The following RASA1 variants were observed in gnomAD, a reference collection of about 807,000 sequenced individuals.
RASA1 encodes the protein RAS p21 protein activator 1, also known as ras GTPase-activating protein 1.
Under a neutral mutation model 132.2 loss-of-function variants are expected in RASA1, and 25 were observed. That is an observed-to-expected ratio of 0.19 (90% CI 0.14 to 0.26). The LOEUF is 0.26. Ranked by LOEUF, RASA1 falls within the 10% of genes least tolerant of loss-of-function variation. The probability of loss-of-function intolerance (pLI) is 1.00; values close to 1 mark genes in which losing one functional copy is unlikely to be tolerated. For missense variants in RASA1, 964 were observed against 1,299.2 expected (o/e 0.74, Z 3.97); for synonymous variants, 477 against 449.9 (o/e 1.06, Z -0.76).
chr5:87,278,416 G>A (rs1013081378), intron 1 of RASA1, among the ~76,000 whole-genome samples: 6 of 151,548 alleles, frequency 4.0e-5, no homozygotes, highest in Middle Eastern at 3.2e-3. Flanking sequence ...TTAGCTGGGC[G>A]TGGTGGTGGG....
chr5:87,336,009 A>G (rs900532518), intron 4 of RASA1, among the ~76,000 whole-genome samples: 8 of 152,230 alleles, frequency 5.3e-5, no homozygotes, highest in African/African-American at 1.9e-4. Context: ...AGAAAAGGCT[A>G]TTAAAATACT....
At chr5:87,377,397 C>T (rs978245922) in intron 17 of RASA1, among the ~76,000 whole-genome samples, 10 of 152,178 alleles carry the variant, frequency 6.6e-5, no homozygotes, top group Non-Finnish European at 1.5e-4. Flanking sequence ...GTGGCGCAGT[C>T]TCGGCTCACT....
intron 1 of RASA1, chr5:87,269,399 G>C (rs1380531496): frequency 3.0e-6 from 4 of 1,315,468 alleles, no homozygotes; most frequent in Non-Finnish European, 4.2e-6. Context: ...TTTGAATACA[G>C]GTGTTTAAAC....
At position 87,268,544 on chromosome 5, in the gene RASA1, C is replaced by T. The variant is rs1185847883; in HGVS notation, c.93C>T (p.Pro31=). The change falls in exon 1 of 25, where the codon CCC becomes CCT. Residue 31 remains proline (P), a synonymous_variant. Transcript: ENST00000274376. ...CGGCAGCGGGCTCCAGTGCCTATCCCGCAGTGTGTCGGGTGAAGATACCCG... is the reference window on the plus strand; with the variant it reads ...CGGCAGCGGGCTCCAGTGCCTATCCTGCAGTGTGTCGGGTGAAGATACCCG... The part of the protein sequence containing the change: ...GGAAAGSSAY[P]AVCRVKIPAA... 5.6e-6 allele frequency: 9 copies of T among 1,600,510 alleles called. No individual in the cohort carries two copies. Among genetic ancestry groups the T allele is most frequent in the South Asian group, 1.1e-5 (1 of 88,742 alleles).
At chr5:87,387,971 A>T (rs950350825) in intron 23 of RASA1, among the ~76,000 whole-genome samples, 1 of 152,146 alleles carries the variant, frequency 6.6e-6, no homozygotes, top group African/African-American at 2.4e-5. Context: ...TAATACTACC[A>T]TATTTCTTCA....
intron 1 of RASA1, among the ~76,000 whole-genome samples, chr5:87,270,666 T>A (rs1753790804): frequency 7.4e-6 from 1 of 134,876 alleles, no homozygotes; most frequent in Non-Finnish European, 1.6e-5. Flanking sequence ...TTTTTTTTTT[T>A]TTTTTTTTTT....
rs534179114 is a variant in RASA1, at chr5:87,364,162, AAG to A, written c.1610+662_1610+663del. On this transcript the variant is annotated intron_variant, in intron 11 of 24. Coordinates refer to ENST00000274376, the MANE Select transcript of RASA1 (RefSeq NM_002890.3). The stretch of plus-strand genomic sequence containing the variant: ...TTTATTACCTATTGTTATGATTAGT[AAG>A]AGAAAAGACAGTTAAATGTTTCAAC... 3.9e-3 allele frequency among the ~76,000 whole-genome samples: 590 copies of A among 152,226 alleles called. 1 individual carries two copies. Among genetic ancestry groups the A allele is most frequent in the South Asian group, 7.1e-3 (34 of 4,822 alleles).
intron 8 of RASA1, among the ~76,000 whole-genome samples, chr5:87,350,186 T>C (rs1371147780): frequency 2.0e-5 from 3 of 151,848 alleles, no homozygotes; most frequent in African/African-American, 7.2e-5. Context: ...AAACAAGTTC[T>C]TCTAGTTGCT....
intron 6 of RASA1, 66 bp downstream of exon 6, chr5:87,341,387 CTT>C (rs1758440242): frequency 8.7e-7 from 1 of 1,152,068 alleles, no homozygotes; most frequent in African/African-American, 1.6e-5. Flanking sequence ...AATTGGAAAA[CTT>C]TGGCCAAAAA....
In RASA1 at chr5:87,389,329, C is replaced by T. The variant is rs1472369717; in HGVS notation, c.2926-64C>T. On this transcript the variant is annotated intron_variant, in intron 23 of 24. Transcript: ENST00000274376. ...CTGGGCAACAAGAGCGAAACTCTGT[C>T]TCAAAAAAAACAAAAAAAAAGAAGA... 8.2e-6 allele frequency: 13 copies of T among 1,595,004 alleles called. No individual in the cohort carries two copies. In the Admixed American group the frequency reaches 8.4e-5, roughly 10 times the overall value.
chr5:87,337,916 T>A (rs1472574431), intron 4 of RASA1, 58 bp from the exon 5 acceptor site: 1 of 1,502,540 alleles, frequency 6.7e-7, no homozygotes, highest in Non-Finnish European at 9.0e-7. Flanking sequence ...TATATGACTA[T>A]TCTAATCTCT....
At chr5:87,363,618 A>G (rs562660748) in intron 11 of RASA1, 114 bp downstream of exon 11, 3 of 1,202,220 alleles carry the variant, frequency 2.5e-6, no homozygotes, top group African/African-American at 1.5e-5. Flanking sequence ...TAGCAGATGC[A>G]CTTTCTAGGT....
intron 6 of RASA1, among the ~76,000 whole-genome samples, chr5:87,344,078 G>A (rs1758670016): frequency 1.3e-5 from 2 of 152,092 alleles, no homozygotes; most frequent in South Asian, 4.1e-4. Flanking sequence ...AGGGTAGCAG[G>A]GAAGGGGGGA....
chr5:87,280,022 C>T (rs556173527), intron 1 of RASA1, among the ~76,000 whole-genome samples: 18 of 152,336 alleles, frequency 1.2e-4, no homozygotes, highest in African/African-American at 4.3e-4. Flanking sequence ...GAGTTTGATG[C>T]CTGAGGGCAA....
chr5:87,295,458 T>A (rs921355959), intron 1 of RASA1, among the ~76,000 whole-genome samples: 2 of 151,340 alleles, frequency 1.3e-5, no homozygotes, highest in Admixed American at 1.3e-4. Context: ...TTTATATGAT[T>A]TCATTTTTCT....
At chr5:87,375,120 G>A (rs1204256968) in intron 15 of RASA1, among the ~76,000 whole-genome samples, 1 of 152,168 alleles carries the variant, frequency 6.6e-6, no homozygotes, top group East Asian at 1.9e-4. Flanking sequence ...TGGTTCAACT[G>A]TACACACTGT....
At chr5:87,374,758 T>A (rs1761205567) in intron 14 of RASA1, 82 bp from the exon 15 acceptor site, 3 of 1,563,130 alleles carry the variant, frequency 1.9e-6, no homozygotes, top group Non-Finnish European at 2.6e-6. Flanking sequence ...AAATAGGGGG[T>A]TTATTTGATA....
intron 1 of RASA1, among the ~76,000 whole-genome samples, chr5:87,307,222 T>C (rs148667897): frequency 5.3e-5 from 8 of 152,314 alleles, no homozygotes; most frequent in African/African-American, 1.9e-4. Flanking sequence ...TTCTTTTCTG[T>C]ATTTTCTTTT....
intron 1 of RASA1, among the ~76,000 whole-genome samples, chr5:87,327,910 A>T (rs1368871771): frequency 6.6e-6 from 1 of 151,850 alleles, no homozygotes; most frequent in East Asian, 1.9e-4. Flanking sequence ...GGTTGCAGTG[A>T]GCCATAAGAG....
Sources: allele counts gnomAD v4.1 joint callset (sites outside exome capture counted in the v4.1 genomes callset), GRCh38; gene constraint gnomAD v4.1.1; transcripts MANE v1.5; gene names NCBI Gene and HGNC (gene_info 2026-07-23, HGNC 2026-07-21).